Variants in YAP1 observed in about 807,000 individuals in gnomAD.
YAP1 encodes Yes1 associated transcriptional regulator, also known as transcriptional coactivator YAP1.
In YAP1, 5 loss-of-function variants were observed where a neutral mutation model predicts 56.9. The observed-to-expected ratio is 0.09, with a 90% confidence interval of 0.05 to 0.18. The LOEUF is 0.18. Among genes scored for constraint, YAP1 ranks in the 10% least tolerant of loss-of-function variants. The probability of loss-of-function intolerance (pLI) is 1.00; values close to 1 mark genes in which losing one functional copy is unlikely to be tolerated. For missense variants in YAP1, 539 were observed against 651.8 expected (o/e 0.83, Z 1.88); for synonymous variants, 265 against 248.1 (o/e 1.07, Z -0.64).
intron 1 of YAP1, chr11:102,112,791 T>A (rs1943040836): frequency 1.0e-6 from 1 of 984,770 alleles, no homozygotes; most frequent in Non-Finnish European, 1.2e-6. Context: ...ATGGACTCAT[T>A]GTGGGTAAAT....
rs568089914 is a variant in YAP1, at chr11:102,126,705, A to C, written c.572+12311A>C. Reference sequence around the variant, plus strand: ...GTGGGGCGTTGCTGAAAAATACCCAAAAATTTGGAAGTGACTTTGGAACTG... The same window carrying C: ...GTGGGGCGTTGCTGAAAAATACCCACAAATTTGGAAGTGACTTTGGAACTG... On this transcript the variant is annotated intron_variant, in intron 2 of 8. Transcript: ENST00000282441. 2.6e-5 allele frequency among the ~76,000 whole-genome samples: 4 copies of C among 152,352 alleles called. No individual in the cohort carries two copies. The South Asian group carries it at 8.3e-4, about 32-fold the overall frequency.
intron 2 of YAP1, among the ~76,000 whole-genome samples, chr11:102,119,811 C>T (rs1943539923): frequency 6.6e-6 from 1 of 152,100 alleles, no homozygotes; most frequent in Admixed American, 6.5e-5. Context: ...GGGAGGTAAA[C>T]TCTAAACTGT....
At chr11:102,202,062 C>T (rs562754407) in intron 4 of YAP1, among the ~76,000 whole-genome samples, 4 of 152,122 alleles carry the variant, frequency 2.6e-5, no homozygotes, top group Non-Finnish European at 5.9e-5. Context: ...ATCAGAATAA[C>T]TGTGCTGGAT....
intron 3 of YAP1, among the ~76,000 whole-genome samples, chr11:102,163,046 A>G (rs757175571): frequency 7.0e-6 from 1 of 143,234 alleles, no homozygotes; most frequent in African/African-American, 2.6e-5. Context: ...TATTCATTCT[A>G]CTCTGAAAAT....
chr11:102,206,746 G>A (rs936266817), intron 5 of YAP1, among the ~76,000 whole-genome samples: 1 of 152,196 alleles, frequency 6.6e-6, no homozygotes, highest in South Asian at 2.1e-4. Flanking sequence ...AGGAGGCTGA[G>A]GCACAAGAAT....
At chr11:102,226,165 C>G (rs1039699415) in intron 7 of YAP1, among the ~76,000 whole-genome samples, 2 of 152,192 alleles carry the variant, frequency 1.3e-5, no homozygotes, top group Non-Finnish European at 2.9e-5. Flanking sequence ...AGGCAAAATA[C>G]AAACAAACCA....
chr11:102,219,972 G>A (rs1194776334), intron 6 of YAP1, among the ~76,000 whole-genome samples: 1 of 151,782 alleles, frequency 6.6e-6, no homozygotes, highest in Non-Finnish European at 1.5e-5. Flanking sequence ...GACCTCAAAT[G>A]ATCCGCCCAC....
At position 102,223,697 on chromosome 11, in the gene YAP1, A is replaced by T. The variant is rs1327881634; in HGVS notation, c.1108A>T (p.Met370Leu). ...TCAAAATCCAGTGTCTTCTCCCGGG[A>T]TGTCTCAGGAATTGAGAACAATGAC... ...GTQNPVSSPG[M>L]SQELRTMTTN... The change falls in exon 7 of 9, where the codon ATG becomes TTG. Residue 370 changes from methionine to leucine, a missense_variant. Around this residue, in one of 4 missense-constraint regions of YAP1, gnomAD observed 414 missense variants for 512.4 expected, o/e 0.81. Transcript: ENST00000282441. 2.5e-6 allele frequency: 4 copies of T among 1,614,142 alleles called. No individual in the cohort carries two copies. Among genetic ancestry groups the T allele is most frequent in the Admixed American group, 3.3e-5 (2 of 60,020 alleles).
chr11:102,194,710 G>T (rs1055427834), intron 4 of YAP1, among the ~76,000 whole-genome samples: 2 of 152,118 alleles, frequency 1.3e-5, no homozygotes, highest in African/African-American at 4.8e-5. Flanking sequence ...CACATAGGAA[G>T]CCACCAGTCA....
rs754037436 is a variant in YAP1 at position 102,223,696 on chromosome 11, G to A, written c.1107G>A (p.Gly369=). 2 of 1,614,102 alleles carry A rather than the reference G, an allele frequency of 1.2e-6. No homozygotes were observed. Among genetic ancestry groups the A allele is most frequent in the South Asian group, 1.1e-5 (1 of 91,082 alleles). Residue 369 remains glycine, a synonymous_variant, in exon 7 of 9, where the codon GGG becomes GGA. Transcript: ENST00000282441. ...GGTQNPVSSP[G]MSQELRTMTT... is the part of the protein sequence containing the mutation. ...CTCAAAATCCAGTGTCTTCTCCCGG[G>A]ATGTCTCAGGAATTGAGAACAATGA...
chr11:102,175,411 T>A (rs763252578), intron 3 of YAP1, among the ~76,000 whole-genome samples: 26 of 148,622 alleles, frequency 1.7e-4, no homozygotes, highest in Admixed American at 1.1e-3. Flanking sequence ...AAAAAAAACT[T>A]ATTTCTTTTA....
chr11:102,136,192 A>G (rs1008428057), intron 2 of YAP1, among the ~76,000 whole-genome samples: 2 of 152,236 alleles, frequency 1.3e-5, no homozygotes, highest in African/African-American at 4.8e-5. Flanking sequence ...GGATCTGAGC[A>G]TATTTTCATA....
Position 102,110,969 on chromosome 11 carries a change from A to T in YAP1, c.121A>T (p.Thr41Ser). 2.6e-6 allele frequency: 4 copies of T among 1,520,968 alleles called. No individual in the cohort carries two copies. The highest frequency in any genetic ancestry group is 8.8e-7 in the Non-Finnish European group (1 of 1,136,072). 94.2% of individuals were successfully genotyped at this position (1,520,968 alleles called of 1,614,324 possible). A position where few individuals can be genotyped will look rare whatever the true frequency, so the allele number is the denominator to read the frequency against. The change falls in exon 1 of 9, where the codon ACC (threonine) becomes TCC (serine). Residue 41 changes from threonine to serine, a missense_variant. Physicochemically the swap from Thr to Ser is moderately conservative, Grantham distance 58 (BLOSUM62 1). Transcript: ENST00000282441. Reference sequence around the variant, plus strand: ...ACCCGGGCAACCGGCACCCGCGGCGACCCAGGCGGCGCCGCAGGCACCCCC... The same window carrying T: ...ACCCGGGCAACCGGCACCCGCGGCGTCCCAGGCGGCGCCGCAGGCACCCCC... ...SGPGQPAPAA[T>S]QAAPQAPPAG...
intron 6 of YAP1, among the ~76,000 whole-genome samples, chr11:102,220,679 G>T (rs906114878): frequency 8.5e-5 from 13 of 152,284 alleles, no homozygotes; most frequent in African/African-American, 3.1e-4. Flanking sequence ...AGGTTGGAGG[G>T]CTGGTAGAGT....
At chr11:102,142,209 CATT>C (rs1945064249) in intron 2 of YAP1, among the ~76,000 whole-genome samples, 1 of 152,036 alleles carries the variant, frequency 6.6e-6, no homozygotes, top group Non-Finnish European at 1.5e-5. Flanking sequence ...CTAACAGTGA[CATT>C]ATAGAATTTA....
intron 1 of YAP1, among the ~76,000 whole-genome samples, chr11:102,111,700 G>A (rs929940560): frequency 6.6e-6 from 1 of 152,296 alleles, no homozygotes; most frequent in Admixed American, 6.5e-5. Flanking sequence ...TTTCCTTTGC[G>A]GCCTCTCGGT....
rs560017196 is a variant in YAP1 at position 102,155,048 on chromosome 11, C to A, written c.573-7408C>A. Among the ~76,000 whole-genome samples, 15 of 152,264 alleles carry A rather than the reference C, an allele frequency of 9.9e-5. No homozygotes were observed. In the East Asian group the frequency reaches 2.3e-3, roughly 24 times the overall value. On this transcript the variant is annotated intron_variant, in intron 2 of 8. Coordinates refer to ENST00000282441, the MANE Select transcript of YAP1 (RefSeq NM_001130145.3). ...TTTAATGGTGGCCTGTTATATATCA[C>A]AGCTGCTGAAGCAGAGGTTCAGAAA...
chr11:102,151,582 G>A (rs1380030904), intron 2 of YAP1, among the ~76,000 whole-genome samples: 1 of 152,088 alleles, frequency 6.6e-6, no homozygotes, highest in Non-Finnish European at 1.5e-5. Context: ...TATTCAAGTT[G>A]TATCTTTATG....
chr11:102,137,135 A>G (rs538619955), intron 2 of YAP1, among the ~76,000 whole-genome samples: 220 of 152,360 alleles, frequency 1.4e-3, no homozygotes, highest in African/African-American at 5.0e-3. Flanking sequence ...AAATGTTTCT[A>G]TAATCTGAAG....
Sources: gnomAD v4.1 joint callset for allele counts (sites outside exome capture counted in the v4.1 genomes callset) on GRCh38, gnomAD v4.1.1 for gene constraint, gnomAD v4.1.1 regional missense constraint, MANE v1.5 for transcripts, NCBI Gene and HGNC (gene_info 2026-07-23, HGNC 2026-07-21) for gene names.